The following SIGIRR variants were observed in gnomAD, a reference collection of about 807,000 sequenced individuals.
SIGIRR encodes the protein single Ig and TIR domain containing, also known as single Ig IL-1-related receptor.
SIGIRR carries 41 observed loss-of-function variants against 45.6 expected under a neutral mutation model. The ratio of observed to expected loss-of-function variants is 0.90; its 90% CI spans 0.70 to 1.17. The LOEUF is 1.17. Among genes scored for constraint, SIGIRR ranks in the 50% most tolerant of loss-of-function variants. The pLI is 0.00. For synonymous variants in SIGIRR, 298 were observed against 239.0 expected (o/e 1.25, Z -2.28); for missense variants, 599 against 539.6 (o/e 1.11, Z -1.09).
Position 408,871 on chromosome 11 carries a change from G to C in SIGIRR, c.30C>G (p.Asp10Glu), listed in dbSNP as rs750532465. The change falls in exon 3 of 10, where the codon GAC becomes GAG. Residue 10 changes from aspartate to glutamate, a missense_variant. By Grantham distance (45) the Asp-to-Glu change is conservative. Transcript: ENST00000431843. ...CCTGGTCTTCAGACGGGGAGAGGAA[G>C]TCAGGGGCCCTATCACAGACACCTG... Reference protein sequence around the residue: MPGVCDRAPDFLSPSEDQVL... With the variant: MPGVCDRAPEFLSPSEDQVL... 8 of 1,612,598 alleles carry C rather than the reference G, an allele frequency of 5.0e-6. No homozygotes were observed. In the East Asian group the frequency reaches 1.8e-4, roughly 36 times the overall value.
chr11:406,846 G>A lies in SIGIRR; in HGVS notation c.876C>T (p.Ser292=). The stretch of plus-strand genomic sequence containing the variant: ...CCCTCCCGCGCCTGCTCCGCACCAC[G>A]GAGCCGGGCCTCCAGAGCAGCAAGG... ...LVTLLLWRPG[S]VTPSSDFWKE... Residue 292 remains serine (S), a synonymous_variant, in exon 8 of 10, where the codon TCC becomes TCT. Coordinates refer to ENST00000431843, the MANE Select transcript of SIGIRR (RefSeq NM_001135054.2). 2 of 1,556,396 alleles carry A rather than the reference G, an allele frequency of 1.3e-6. No homozygotes were observed. The highest frequency in any genetic ancestry group is 8.6e-7 in the Non-Finnish European group (1 of 1,157,300).
At position 406,433 on chromosome 11, in the gene SIGIRR, C is replaced by A. The variant is rs373913320; in HGVS notation, c.985G>T (p.Asp329Tyr). The A allele has an allele frequency of 6.2e-7, 1 of 1,612,662 alleles. No homozygotes were observed. Among genetic ancestry groups the A allele is most frequent in the African/African-American group, 1.3e-5 (1 of 74,958 alleles). The change falls in exon 9 of 10, where the codon GAC becomes TAC. Residue 329 changes from aspartate (D) to tyrosine (Y), a missense_variant. Transcript: ENST00000431843. ...DPQTQLQDDK[D>Y]PMLILRGRVP... ...CGGCCTCGAAGAATCAGCATGGGGT[C>A]CTTGTCGTCCTGCAGCTGCGTCTGG...
At chr11:414,760 G>A (rs1255956993) in intron 1 of SIGIRR, 63 bp downstream of exon 1, 13 of 965,570 alleles carry the variant, frequency 1.3e-5, no homozygotes, top group Admixed American at 1.2e-4. Flanking sequence ...CTTGGGCGCC[G>A]TGGGCCTCCT....
chr11:408,349 G>A (rs1847447761), intron 3 of SIGIRR, 143 bp from the exon 4 acceptor site: 1 of 1,102,076 alleles, frequency 9.1e-7, no homozygotes. Flanking sequence ...GAAGTGACCT[G>A]AACCTGGAGG....
At chr11:413,567 G>A (rs1461657624) in intron 1 of SIGIRR, among the ~76,000 whole-genome samples, 1 of 151,956 alleles carries the variant, frequency 6.6e-6, no homozygotes, top group Non-Finnish European at 1.5e-5. Context: ...AGAGCCTTCT[G>A]GAAGTCAAGG....
At chr11:412,644 G>T (rs569959081) in intron 1 of SIGIRR, among the ~76,000 whole-genome samples, 22 of 53,696 alleles carry the variant, frequency 4.1e-4, no homozygotes, top group African/African-American at 1.8e-3. Flanking sequence ...GATACAGTCG[G>T]GGAGGGGTGC....
chr11:416,421 G>A (rs1260781495), upstream of SIGIRR, among the ~76,000 whole-genome samples: 2 of 151,970 alleles, frequency 1.3e-5, no homozygotes, highest in African/African-American at 2.4e-5. The surrounding 1 kb of genome is among the most constrained non-coding windows in gnomAD (Gnocchi z 9.1). Context: ...CAAAGTCTCC[G>A]ACCCTCGCCC....
intron 6 of SIGIRR, 117 bp downstream of exon 6, chr11:407,308 G>A: frequency 1.2e-6 from 1 of 822,700 alleles, no homozygotes; most frequent in East Asian, 3.2e-5. Flanking sequence ...GGCCTCGGGT[G>A]GGCGGGGATG....
upstream of SIGIRR, among the ~76,000 whole-genome samples, chr11:416,373 C>T (rs1240990660): frequency 1.3e-5 from 2 of 152,124 alleles, no homozygotes; most frequent in Admixed American, 1.3e-4. This position sits in a 1 kb window ranked among gnomAD's most constrained non-coding sequence, Gnocchi z 9.1. Flanking sequence ...CACCCCCGAG[C>T]CCCCAGGTCC....
chr11:416,882 G>A (rs1299947164), upstream of SIGIRR, among the ~76,000 whole-genome samples: 1 of 152,134 alleles, frequency 6.6e-6, no homozygotes, highest in Non-Finnish European at 1.5e-5. This position sits in a 1 kb window ranked among gnomAD's most constrained non-coding sequence, Gnocchi z 9.1. Flanking sequence ...AGAGGCGCGC[G>A]GATGGCGGAA....
intron 1 of SIGIRR, among the ~76,000 whole-genome samples, chr11:413,003 C>T (rs143692367): frequency 4.5e-4 from 68 of 152,276 alleles, no homozygotes; most frequent in Middle Eastern, 3.4e-3. Flanking sequence ...TCCTTGGCAG[C>T]CCAGGGCCCC....
At chr11:409,717 CA>C in intron 2 of SIGIRR, 150 bp downstream of exon 2, 2 of 870,460 alleles carry the variant, frequency 2.3e-6, no homozygotes, top group Non-Finnish European at 3.2e-6. Context: ...GCCAAGGGCC[CA>C]GTGGGAGGGG....
At chr11:408,273 T>C in intron 3 of SIGIRR, 67 bp from the exon 4 acceptor site, 1 of 1,572,096 alleles carries the variant, frequency 6.4e-7, no homozygotes, top group Non-Finnish European at 8.6e-7. Flanking sequence ...ACCCCACCTG[T>C]CTGGGTTCAC....
intron 1 of SIGIRR, among the ~76,000 whole-genome samples, chr11:413,674 T>TCTCCCCTGCACCCTCTCCCTGCAAACC: frequency 1.4e-5 from 2 of 146,824 alleles, no homozygotes; most frequent in Non-Finnish European, 3.0e-5. Context: ...CCTTGCACCC[T>TCTCCCCTGCACCCTCTCCCTGCAAACC]CTCCCCTGCA....
At chr11:410,452 A>G (rs946331701) in intron 1 of SIGIRR, among the ~76,000 whole-genome samples, 1 of 151,986 alleles carries the variant, frequency 6.6e-6, no homozygotes, top group African/African-American at 2.4e-5. Context: ...GATGTAACCT[A>G]CACCATGGGA....
chr11:406,074 C>A lies in SIGIRR; in HGVS notation c.1070-15G>T. On this transcript the variant is annotated splice_polypyrimidine_tract_variant and intron_variant, in intron 9 of 9. Transcript: ENST00000431843. The stretch of plus-strand genomic sequence containing the variant: ...CCCCCGGACACCTGGGGTGGGGAGA[C>A]CGAGACGCCTGAGGTGGCCACCCAC... 1 of 1,558,584 alleles carries A rather than the reference C, an allele frequency of 6.4e-7. No individual in the cohort carries two copies.
At chr11:406,784 G>A in intron 8 of SIGIRR, 59 bp downstream of exon 8, 6 of 1,454,108 alleles carry the variant, frequency 4.1e-6, no homozygotes, top group Non-Finnish European at 5.4e-6. Flanking sequence ...CCTGGAGCCC[G>A]GGCACCGCCC....
At chr11:415,207 CGTGTGTGTGTGTGTGTGTGTGTGTGT>C (rs71022908), upstream of SIGIRR, among the ~76,000 whole-genome samples, 4 of 144,486 alleles carry the variant, frequency 2.8e-5, no homozygotes, top group Non-Finnish European at 4.5e-5. This position sits in a 1 kb window ranked among gnomAD's most constrained non-coding sequence, Gnocchi z 6.6. Flanking sequence ...CTCTGTGCAG[CGTGTGTGTGTGTGTGTGTGTGTGTGT>C]GTGTGTGTGT....
intron 1 of SIGIRR, among the ~76,000 whole-genome samples, chr11:411,687 A>T (rs1242434279): frequency 1.3e-5 from 1 of 79,142 alleles, no homozygotes; most frequent in African/African-American, 4.9e-5. Context: ...GGGGTTGCCC[A>T]GCTCTGACCA....
Sources: allele counts gnomAD v4.1 joint callset (sites outside exome capture counted in the v4.1 genomes callset), GRCh38; gene constraint gnomAD v4.1.1; non-coding constraint Gnocchi (gnomAD v3.1); transcripts MANE v1.5; gene names NCBI Gene and HGNC (gene_info 2026-07-23, HGNC 2026-07-21).